The following SORCS3 variants were observed in gnomAD, a reference collection of about 807,000 sequenced individuals.
SORCS3 encodes the protein sortilin related VPS10 domain containing receptor 3, also known as VPS10 domain-containing receptor SorCS3.
SORCS3 carries 57 observed loss-of-function variants against 146.3 expected under a neutral mutation model. The observed-to-expected ratio is 0.39, with a 90% confidence interval of 0.31 to 0.49. SORCS3 has a LOEUF of 0.49. Ranked by LOEUF, SORCS3 falls within the 20% of genes least tolerant of loss-of-function variation. SORCS3 has a pLI of 0.92. For missense variants in SORCS3, 1,341 were observed against 1,575.5 expected (o/e 0.85, Z 2.52); for synonymous variants, 653 against 618.5 (o/e 1.06, Z -0.83).
chr10:105,249,432 C>T (rs549321036), intron 22 of SORCS3, among the ~76,000 whole-genome samples: 22 of 152,014 alleles, frequency 1.4e-4, no homozygotes, highest in African/African-American at 5.3e-4. Context: ...TTCCCCAAGG[C>T]AGAGGAGAAA....
chr10:104,772,523 T>A (rs1184588207), intron 1 of SORCS3, among the ~76,000 whole-genome samples: 1 of 152,200 alleles, frequency 6.6e-6, no homozygotes, highest in Non-Finnish European at 1.5e-5. Context: ...TTGGGCACTG[T>A]GGGGTTTCAT....
chr10:104,794,903 A>G lies in SORCS3; in HGVS notation c.628-47889A>G, dbSNP rs375700287. ...GTAGCCTGCTTTCCTCTACCCTAAG[A>G]AAAGCCATAGATGGTCTCAGTGTGG... On this transcript the variant is annotated intron_variant, in intron 1 of 26. Transcript: ENST00000369701. Among the ~76,000 whole-genome samples the G allele has an allele frequency of 2.6e-5, 4 of 152,160 alleles. No individual in the cohort carries two copies. In the East Asian group the frequency reaches 7.7e-4, roughly 29 times the overall value.
At chr10:105,262,621 T>C in intron 26 of SORCS3, 130 bp downstream of exon 26, 6 of 988,606 alleles carry the variant, frequency 6.1e-6, no homozygotes, top group Non-Finnish European at 8.5e-6. Context: ...CAGAATCATG[T>C]TTTAAATTTG....
chr10:104,953,730 T>C (rs1460023441), intron 3 of SORCS3, among the ~76,000 whole-genome samples: 23 of 152,238 alleles, frequency 1.5e-4, no homozygotes, highest in Admixed American at 1.5e-3. Flanking sequence ...GGTTAACTAT[T>C]ACTGCATTTA....
chr10:105,262,472 G>T lies in SORCS3; in HGVS notation c.3585G>T (p.Glu1195Asp). Residue 1195 changes from glutamate (E) to aspartate (D), a missense_variant, in exon 26 of 27, where the codon GAG becomes GAT. Glu to Asp is a conservative substitution (Grantham distance 45). Transcript: ENST00000369701. ...AGCCTGAGGAGCTGCTGGACAAAGA[G>T]CTGGACACGCGGGTCATAGGTACAT... is the stretch of plus-strand genomic sequence containing the variant. ...FTEPEELLDK[E>D]LDTRVIGGIA... 1 of 1,613,796 alleles carries T rather than the reference G, an allele frequency of 6.2e-7. No homozygotes were observed. The highest frequency in any genetic ancestry group is 8.5e-7 in the Non-Finnish European group (1 of 1,179,894).
chr10:105,048,132 C>G (rs896420792), intron 5 of SORCS3, among the ~76,000 whole-genome samples: 10 of 151,818 alleles, frequency 6.6e-5, no homozygotes, highest in African/African-American at 2.4e-4. Flanking sequence ...GTGGCGATTC[C>G]TCAGGGATCT....
chr10:104,673,864 C>G (rs1048082980), intron 1 of SORCS3, among the ~76,000 whole-genome samples: 9 of 152,214 alleles, frequency 5.9e-5, no homozygotes, highest in African/African-American at 2.2e-4. Context: ...ACTTCAATAA[C>G]ATAAAAAACT....
intron 2 of SORCS3, among the ~76,000 whole-genome samples, chr10:104,896,732 C>T (rs890820919): frequency 1.3e-5 from 2 of 152,116 alleles, no homozygotes; most frequent in Non-Finnish European, 2.9e-5. Flanking sequence ...ATTGTAATAC[C>T]TTAGAAATAA....
chr10:105,169,864 A>T (rs75363319), intron 13 of SORCS3, among the ~76,000 whole-genome samples: 13,534 of 152,088 alleles, frequency 0.089, 746 homozygotes, highest in Admixed American at 0.16. Context: ...TTCCATCTAA[A>T]TCTTCATAAG....
At chr10:104,798,886 G>A (rs143870598) in intron 1 of SORCS3, among the ~76,000 whole-genome samples, 1 of 151,956 alleles carries the variant, frequency 6.6e-6, no homozygotes, top group East Asian at 1.9e-4. Context: ...ATGGATAAAG[G>A]ATATGAATAG....
intron 1 of SORCS3, among the ~76,000 whole-genome samples, chr10:104,715,334 A>G (rs1318581414): frequency 6.6e-6 from 1 of 152,204 alleles, no homozygotes; most frequent in Non-Finnish European, 1.5e-5. Flanking sequence ...AAGTTGGGAC[A>G]TCCATCTTCT....
intron 15 of SORCS3, among the ~76,000 whole-genome samples, chr10:105,200,429 C>A (rs55964119): frequency 2.6e-5 from 4 of 152,136 alleles, no homozygotes; most frequent in African/African-American, 7.2e-5. Flanking sequence ...GCTAGAAGGC[C>A]TCCAAGAGTT....
chr10:104,954,257 G>T (rs971249449), intron 3 of SORCS3, among the ~76,000 whole-genome samples: 3 of 152,128 alleles, frequency 2.0e-5, no homozygotes, highest in African/African-American at 7.2e-5. Flanking sequence ...GCTTAGAAAA[G>T]ATATGGTTCA....
At chr10:104,855,716 A>AGTGT (rs58569291) in intron 2 of SORCS3, among the ~76,000 whole-genome samples, 71 of 150,858 alleles carry the variant, frequency 4.7e-4, no homozygotes, top group African/African-American at 1.5e-3. Flanking sequence ...TTTGCTTTTG[A>AGTGT]GTGTGTGTGT....
intron 1 of SORCS3, among the ~76,000 whole-genome samples, chr10:104,784,888 G>C (rs1245775190): frequency 6.6e-6 from 1 of 152,108 alleles, no homozygotes; most frequent in Non-Finnish European, 1.5e-5. Flanking sequence ...ATGTTGACTT[G>C]GTGAAAAAAA....
At chr10:104,997,627 G>T (rs906618502) in intron 4 of SORCS3, among the ~76,000 whole-genome samples, 3 of 152,150 alleles carry the variant, frequency 2.0e-5, no homozygotes, top group South Asian at 2.1e-4. Flanking sequence ...TTTTCTTGGG[G>T]TCTGTCCCTT....
chr10:105,007,375 A>G (rs1186483718), intron 4 of SORCS3, among the ~76,000 whole-genome samples: 1 of 152,150 alleles, frequency 6.6e-6, no homozygotes, highest in Non-Finnish European at 1.5e-5. Flanking sequence ...ATGAATAGCT[A>G]TATTCCAGGC....
intron 7 of SORCS3, among the ~76,000 whole-genome samples, chr10:105,109,309 GA>G: frequency 6.6e-6 from 1 of 152,100 alleles, no homozygotes; most frequent in South Asian, 2.1e-4. Flanking sequence ...GAAGAAAGGT[GA>G]AAAAAATAGT....
At chr10:105,124,866 T>G (rs780927980) in intron 7 of SORCS3, among the ~76,000 whole-genome samples, 20 of 152,184 alleles carry the variant, frequency 1.3e-4, no homozygotes, top group Non-Finnish European at 2.1e-4. Flanking sequence ...TTCCACGGAA[T>G]GCAATTAGAA....
Sources: allele counts gnomAD v4.1 joint callset (sites outside exome capture counted in the v4.1 genomes callset), GRCh38; gene constraint gnomAD v4.1.1; transcripts MANE v1.5; gene names NCBI Gene and HGNC (gene_info 2026-07-23, HGNC 2026-07-21).